Variants in CDH18 observed in about 807,000 individuals in gnomAD.
The protein encoded by CDH18 is cadherin-18.
CDH18 carries 31 observed loss-of-function variants against 67.9 expected under a neutral mutation model. That is an observed-to-expected ratio of 0.46 (90% CI 0.34 to 0.62). CDH18 has a LOEUF of 0.62. Ranked by LOEUF, CDH18 falls within the 20% of genes least tolerant of loss-of-function variation. CDH18 has a pLI of 0.01. For missense variants in CDH18, 890 were observed against 975.5 expected (o/e 0.91, Z 1.17); for synonymous variants, 362 against 347.2 (o/e 1.04, Z -0.48).
intron 6 of CDH18, among the ~76,000 whole-genome samples, chr5:19,591,594 A>G (rs1745146240): frequency 6.6e-6 from 1 of 152,094 alleles, no homozygotes; most frequent in Non-Finnish European, 1.5e-5. Context: ...ATCCCAATTT[A>G]TTCTTCCACC....
chr5:19,910,127 C>T (rs748580245), intron 2 of CDH18, among the ~76,000 whole-genome samples: 3 of 152,060 alleles, frequency 2.0e-5, no homozygotes, highest in Non-Finnish European at 4.4e-5. Flanking sequence ...CCCAATGTGG[C>T]TCAATAACTG....
intron 2 of CDH18, among the ~76,000 whole-genome samples, chr5:19,891,274 T>A (rs141476299): frequency 6.6e-6 from 1 of 152,262 alleles, no homozygotes; most frequent in East Asian, 1.9e-4. Context: ...AACATCAGTA[T>A]AATTTTATTT....
At chr5:19,618,196 T>C (rs1750139432) in intron 5 of CDH18, among the ~76,000 whole-genome samples, 1 of 151,850 alleles carries the variant, frequency 6.6e-6, no homozygotes, top group Admixed American at 6.6e-5. Context: ...TGTGTACTTC[T>C]GCTTATTTTT....
rs188185405 is a variant in CDH18, at chr5:20,032,173, A to C, written c.-517-40159T>G. 2.7e-3 allele frequency among the ~76,000 whole-genome samples: 403 copies of C among 151,970 alleles called. 1 individual carries two copies. The highest frequency in any genetic ancestry group is 9.2e-3 in the African/African-American group (382 of 41,510). On this transcript the variant is annotated intron_variant, in intron 2 of 14. Transcript: ENST00000507958. ...CTTATAAATCTAAATGAGTTTGTAT[A>C]CATATAAACTCATTATATATGTATG...
chr5:19,838,794 C>T lies in CDH18; in HGVS notation c.193G>A (p.Glu65Lys), dbSNP rs1648135575. 6.2e-7 allele frequency: 1 copy of T among 1,613,588 alleles called. No homozygotes were observed. The highest frequency in any genetic ancestry group is 8.5e-7 in the Non-Finnish European group (1 of 1,179,734). ...TACTGAGGATCTGGTCCCATATGTT[C>T]TTCTAAAACAAAGAACTGATTCCAT... ...WVWNQFFVLE[E>K]HMGPDPQYVG... Residue 65 changes from glutamate to lysine, a missense_variant, in exon 3 of 13, where the codon GAA becomes AAA. Glu to Lys is a moderately conservative substitution (Grantham distance 56). This residue lies in a region of CDH18 where 234 missense variants were observed against 307.4 expected (regional missense o/e 0.76). Transcript: ENST00000382275.
At chr5:20,435,104 T>C (rs192839120) in intron 1 of CDH18, among the ~76,000 whole-genome samples, 1 of 152,162 alleles carries the variant, frequency 6.6e-6, no homozygotes, top group East Asian at 1.9e-4. Context: ...AATTTAGAAA[T>C]GAAGAAACAG....
At chr5:20,091,848 G>A (rs891052670) in intron 2 of CDH18, among the ~76,000 whole-genome samples, 1 of 151,924 alleles carries the variant, frequency 6.6e-6, no homozygotes, top group African/African-American at 2.4e-5. Context: ...CAAAACTTTG[G>A]TGACATTAAG....
At chr5:20,478,969 G>A (rs955782222) in intron 1 of CDH18, among the ~76,000 whole-genome samples, 3 of 152,100 alleles carry the variant, frequency 2.0e-5, no homozygotes, top group Non-Finnish European at 4.4e-5. Context: ...GGTAATCCAG[G>A]CAATTCTTCC....
At chr5:20,393,012 C>T (rs923674853) in intron 1 of CDH18, among the ~76,000 whole-genome samples, 11 of 151,682 alleles carry the variant, frequency 7.3e-5, no homozygotes, top group African/African-American at 2.7e-4. Flanking sequence ...TGATTATTAT[C>T]CAGAATGATA....
intron 1 of CDH18, among the ~76,000 whole-genome samples, chr5:20,522,121 C>T (rs1178260205): frequency 1.3e-5 from 2 of 152,094 alleles, no homozygotes; most frequent in Non-Finnish European, 2.9e-5. Flanking sequence ...GAAACAAATA[C>T]CCACTGATGG....
chr5:20,281,838 C>T (rs1392232077), intron 1 of CDH18, among the ~76,000 whole-genome samples: 4 of 152,100 alleles, frequency 2.6e-5, no homozygotes, highest in Admixed American at 6.6e-5. Flanking sequence ...ATTCTTCCTA[C>T]CCATGAGCAT....
intron 1 of CDH18, among the ~76,000 whole-genome samples, chr5:20,364,203 G>A (rs1181952213): frequency 6.6e-6 from 1 of 151,714 alleles, no homozygotes; most frequent in Non-Finnish European, 1.5e-5. Flanking sequence ...AGTAAAAGTG[G>A]TAGGGAAGAA....
chr5:20,448,984 G>C (rs1381489949), intron 1 of CDH18, among the ~76,000 whole-genome samples: 1 of 149,024 alleles, frequency 6.7e-6, no homozygotes, highest in Non-Finnish European at 1.5e-5. Flanking sequence ...AGAGCTTCCT[G>C]TTGCATGAAT....
chr5:19,946,686 G>A, intron 2 of CDH18, among the ~76,000 whole-genome samples: 1 of 152,164 alleles, frequency 6.6e-6, no homozygotes, highest in East Asian at 1.9e-4. Flanking sequence ...AACACAAATT[G>A]TATGCAATCT....
intron 9 of CDH18, among the ~76,000 whole-genome samples, chr5:19,537,679 A>T (rs1749638250): frequency 6.6e-6 from 1 of 152,158 alleles, no homozygotes; most frequent in Non-Finnish European, 1.5e-5. Flanking sequence ...GCCCCTAAAA[A>T]ATCTCTCTTA....
At chr5:20,134,697 C>A (rs1199795524) in intron 2 of CDH18, among the ~76,000 whole-genome samples, 2 of 152,058 alleles carry the variant, frequency 1.3e-5, no homozygotes, top group African/African-American at 4.8e-5. Flanking sequence ...GTTTAAAATA[C>A]CTCTATTATC....
chr5:19,895,467 A>G (rs80066205), intron 2 of CDH18, among the ~76,000 whole-genome samples: 2,559 of 152,218 alleles, frequency 0.017, 66 homozygotes, highest in African/African-American at 0.058. Flanking sequence ...TCAAGTTCTA[A>G]ACCTCCCAGC....
chr5:19,934,001 T>C (rs572531835), intron 2 of CDH18, among the ~76,000 whole-genome samples: 1 of 151,530 alleles, frequency 6.6e-6, no homozygotes, highest in South Asian at 2.1e-4. Flanking sequence ...TCTAAGAGCA[T>C]CTTAAATTTT....
At chr5:19,476,522 A>G (rs1366836202) in intron 12 of CDH18, among the ~76,000 whole-genome samples, 1 of 152,050 alleles carries the variant, frequency 6.6e-6, no homozygotes, top group African/African-American at 2.4e-5. Context: ...TCCACCTTAC[A>G]GTTTTCTAAT....
Sources: allele counts gnomAD v4.1 joint callset (sites outside exome capture counted in the v4.1 genomes callset), GRCh38; gene constraint gnomAD v4.1.1; regional missense constraint gnomAD v4.1.1; transcripts MANE v1.5; gene names NCBI Gene and HGNC (gene_info 2026-07-23, HGNC 2026-07-21).